The following ASB7 variants were observed in gnomAD, a reference collection of about 807,000 sequenced individuals.
The protein encoded by ASB7 is ankyrin repeat and SOCS box containing 7, also known as ankyrin repeat and SOCS box protein 7.
Under a neutral mutation model 32.5 loss-of-function variants are expected in ASB7, and 4 were observed. The ratio of observed to expected loss-of-function variants is 0.12; its 90% CI spans 0.06 to 0.28. The LOEUF is 0.28. ASB7 is among the 10% of genes least tolerant of loss of function. The probability of loss-of-function intolerance (pLI) is 1.00; values close to 1 mark genes in which losing one functional copy is unlikely to be tolerated. For synonymous variants in ASB7, 172 were observed against 155.6 expected (o/e 1.11, Z -0.78); for missense variants, 181 against 407.1 (o/e 0.44, Z 4.78).
Position 100,612,199 on chromosome 15 carries a change from A to C in ASB7, c.-18A>C. The stretch of plus-strand genomic sequence containing the variant: ...CCGTAACCTAATGAATCCTTTGTAA[A>C]AAGTGGACTCAGCTAGGATGTTACA... On this transcript the variant is annotated 5_prime_UTR_variant, in exon 4 of 6. Coordinates refer to ENST00000332783, the MANE Select transcript of ASB7 (RefSeq NM_198243.3). The C allele has an allele frequency of 6.3e-7, 1 of 1,597,400 alleles. No individual in the cohort carries two copies. Among genetic ancestry groups the C allele is most frequent in the African/African-American group, 1.3e-5 (1 of 74,666 alleles).
intron 4 of ASB7, among the ~76,000 whole-genome samples, chr15:100,622,470 T>C (rs2039802642): frequency 6.6e-6 from 1 of 152,124 alleles, no homozygotes; most frequent in African/African-American, 2.4e-5. Flanking sequence ...AAAATTCATA[T>C]GGAACCAAAA....
At chr15:100,630,234 T>C in intron 5 of ASB7, 192 bp downstream of exon 5, 1 of 1,285,988 alleles carries the variant, frequency 7.8e-7, no homozygotes, top group Non-Finnish European at 1.0e-6. Context: ...AAAAATTCAA[T>C]TGTGTTTCTA....
chr15:100,621,755 G>T (rs2141394951), intron 4 of ASB7, among the ~76,000 whole-genome samples: 1 of 151,998 alleles, frequency 6.6e-6, no homozygotes, highest in Middle Eastern at 3.4e-3. Context: ...ATTGAAATCA[G>T]TGGAATTGAA....
chr15:100,648,346 C>T lies in ASB7; in HGVS notation c.841C>T (p.Leu281=). The change falls in exon 6 of 6, where the codon CTG becomes TTG. Residue 281 remains leucine, a synonymous_variant. Transcript: ENST00000332783. ...AGGACAGCCCAGAAACTTGCAGGAC[C>T]TGTGCCGAATTAAAATTCGACAATG... The part of the protein sequence containing the change: ...VTRQPRNLQD[L]CRIKIRQCIG... 1 of 1,604,050 alleles carries T rather than the reference C, an allele frequency of 6.2e-7. No homozygotes were observed. Among genetic ancestry groups the T allele is most frequent in the Non-Finnish European group, 8.5e-7 (1 of 1,176,566 alleles).
chr15:100,605,775 C>G (rs554745400), intron 2 of ASB7, among the ~76,000 whole-genome samples: 1 of 152,314 alleles, frequency 6.6e-6, no homozygotes, highest in Non-Finnish European at 1.5e-5. Context: ...ATAATATTGA[C>G]AGGACCTCAT....
chr15:100,610,784 A>G (rs1401193708), intron 3 of ASB7, among the ~76,000 whole-genome samples: 2 of 152,220 alleles, frequency 1.3e-5, no homozygotes, highest in East Asian at 3.9e-4. Context: ...TACATATGAG[A>G]ACAGAAATGT....
At chr15:100,644,121 G>C (rs887296228) in intron 5 of ASB7, among the ~76,000 whole-genome samples, 1 of 152,050 alleles carries the variant, frequency 6.6e-6, no homozygotes, top group Non-Finnish European at 1.5e-5. Flanking sequence ...GGTGGCACAC[G>C]CCTATAATCC....
intron 5 of ASB7, chr15:100,645,420 G>T: frequency 3.1e-6 from 1 of 325,496 alleles, no homozygotes; most frequent in Non-Finnish European, 5.9e-6. Context: ...TATCATTCGA[G>T]TTCATGCCCC....
intron 5 of ASB7, among the ~76,000 whole-genome samples, chr15:100,647,574 A>T (rs981045017): frequency 1.3e-5 from 2 of 152,028 alleles, no homozygotes; most frequent in Non-Finnish European, 2.9e-5. Flanking sequence ...GGATTTTGTG[A>T]TTTTTCTTTT....
intron 4 of ASB7, among the ~76,000 whole-genome samples, chr15:100,622,418 A>G (rs1021527471): frequency 6.6e-6 from 1 of 152,224 alleles, no homozygotes; most frequent in African/African-American, 2.4e-5. Context: ...ACTGCTATCA[A>G]AACACCAACA....
chr15:100,626,505 G>A (rs1597005596), intron 4 of ASB7, among the ~76,000 whole-genome samples: 2 of 152,266 alleles, frequency 1.3e-5, no homozygotes, highest in South Asian at 2.1e-4. Context: ...ATGTAAGATG[G>A]TGTAGCCATT....
At chr15:100,617,836 A>G (rs1210403243) in intron 4 of ASB7, among the ~76,000 whole-genome samples, 2 of 152,232 alleles carry the variant, frequency 1.3e-5, no homozygotes, top group Non-Finnish European at 2.9e-5. Context: ...GAAAACTAAC[A>G]CCAGTTATCT....
chr15:100,629,934 G>A lies in ASB7; in HGVS notation c.709G>A (p.Gly237Arg). The change falls in exon 5 of 6, where the codon GGA (glycine) becomes AGA (arginine). Residue 237 changes from glycine to arginine, a missense_variant. Physicochemically the swap from Gly to Arg is moderately radical, Grantham distance 125. Coordinates refer to ENST00000332783, the MANE Select transcript of ASB7 (RefSeq NM_198243.3). The surrounding 1 kb of genome is among the most constrained non-coding windows in gnomAD (Gnocchi z 6.8). Reference sequence around the variant, plus strand: ...GTGTGCACGGATGTTATATAATTACGGAGCAGACACGAACACACGGAACTA... The same window carrying A: ...GTGTGCACGGATGTTATATAATTACAGAGCAGACACGAACACACGGAACTA... ...VLCARMLYNY[G>R]ADTNTRNYEG... 6.2e-7 allele frequency: 1 copy of A among 1,614,134 alleles called. No homozygotes were observed. The highest frequency in any genetic ancestry group is 8.5e-7 in the Non-Finnish European group (1 of 1,180,030).
intron 4 of ASB7, among the ~76,000 whole-genome samples, chr15:100,620,354 CTG>C (rs1261164789): frequency 3.3e-5 from 5 of 152,196 alleles, no homozygotes; most frequent in African/African-American, 4.8e-5. Context: ...TTTGTTGACA[CTG>C]TGCTAGGGAA....
chr15:100,615,043 A>T (rs1368873652), intron 4 of ASB7, among the ~76,000 whole-genome samples: 1 of 152,222 alleles, frequency 6.6e-6, no homozygotes, highest in Admixed American at 6.5e-5. Flanking sequence ...CCATTGTATT[A>T]CAGTTGCCTC....
chr15:100,646,905 G>T (rs1162252989), intron 5 of ASB7, among the ~76,000 whole-genome samples: 1 of 152,084 alleles, frequency 6.6e-6, no homozygotes, highest in African/African-American at 2.4e-5. Context: ...GAGACGAGGT[G>T]GTGTGATTGA....
chr15:100,611,013 T>C (rs565754628), intron 3 of ASB7, among the ~76,000 whole-genome samples: 1 of 152,326 alleles, frequency 6.6e-6, no homozygotes, highest in South Asian at 2.1e-4. Flanking sequence ...CTTTGGACTG[T>C]TACTGTTTCC....
In ASB7 at chr15:100,630,993, C is replaced by T. The variant is rs565623514; in HGVS notation, c.817+951C>T. On this transcript the variant is annotated intron_variant, in intron 5 of 5. Coordinates refer to ENST00000332783, the MANE Select transcript of ASB7 (RefSeq NM_198243.3). Reference sequence around the variant, plus strand: ...CAGCTACTAGAGGGCAAGGGCTCTACCTGACCTGCTTGTAAGTAACCCACT... The same window carrying T: ...CAGCTACTAGAGGGCAAGGGCTCTATCTGACCTGCTTGTAAGTAACCCACT... 7.9e-5 allele frequency among the ~76,000 whole-genome samples: 12 copies of T among 152,302 alleles called. No homozygotes were observed. The East Asian group carries it at 1.5e-3, about 20-fold the overall frequency.
chr15:100,618,608 C>G (rs2039764904), intron 4 of ASB7, among the ~76,000 whole-genome samples: 1 of 138,112 alleles, frequency 7.2e-6, no homozygotes, highest in Non-Finnish European at 1.6e-5. Flanking sequence ...ACCTTCTCAC[C>G]CTGCTGTGTG....
Sources: gnomAD v4.1 joint callset for allele counts (sites outside exome capture counted in the v4.1 genomes callset) on GRCh38, gnomAD v4.1.1 for gene constraint, Gnocchi (gnomAD v3.1) non-coding constraint, MANE v1.5 for transcripts, NCBI Gene and HGNC (gene_info 2026-07-23, HGNC 2026-07-21) for gene names.